The following ASXL1 variants were observed in gnomAD, a reference collection of about 807,000 sequenced individuals.
ASXL1 encodes the protein ASXL transcriptional regulator 1, also known as polycomb group protein ASXL1.
In ASXL1, 65 loss-of-function variants were observed where a neutral mutation model predicts 89.1. That is an observed-to-expected ratio of 0.73 (90% CI 0.60 to 0.90). The LOEUF is 0.90. Among genes scored for constraint, ASXL1 ranks in the 40% least tolerant of loss-of-function variants. The pLI, the probability that ASXL1 is intolerant of heterozygous loss-of-function variation, is 0.00. For synonymous variants in ASXL1, 739 were observed against 746.9 expected, an observed-to-expected ratio of 0.99 and a Z score of 0.17; for missense variants, 1,786 against 1,942.9, an observed-to-expected ratio of 0.92 and a Z score of 1.52.
At chr20:32,360,146 A>G (rs2048086355) in intron 1 of ASXL1, 1 of 233,010 alleles carries the variant, frequency 4.3e-6, no homozygotes, top group African/African-American at 2.2e-5. Context: ...AGTCTGTAAA[A>G]GTTACAGATT....
intron 4 of ASXL1, among the ~76,000 whole-genome samples, chr20:32,384,157 A>G (rs1040487635): frequency 6.7e-6 from 1 of 148,602 alleles, no homozygotes; most frequent in Non-Finnish European, 1.5e-5. Context: ...CCTAGTTAGT[A>G]GAGCAGTACC....
chr20:32,414,330 C>T (rs1180322882), intron 4 of ASXL1, among the ~76,000 whole-genome samples: 4 of 148,348 alleles, frequency 2.7e-5, no homozygotes, highest in Admixed American at 2.7e-4. Context: ...TTAATCAGTT[C>T]TCTAGGAGAT....
chr20:32,390,540 G>A (rs770270190), intron 4 of ASXL1, among the ~76,000 whole-genome samples: 2 of 151,162 alleles, frequency 1.3e-5, no homozygotes, highest in African/African-American at 2.4e-5. Context: ...TGGCATGATC[G>A]TAGCTCACTG....
chr20:32,414,452 T>C (rs2049102479), intron 4 of ASXL1, among the ~76,000 whole-genome samples: 1 of 152,070 alleles, frequency 6.6e-6, no homozygotes, highest in Admixed American at 6.6e-5. Context: ...TACGTGTCTG[T>C]GGTCCCGACT....
chr20:32,412,966 A>G (rs2049076487), intron 4 of ASXL1, among the ~76,000 whole-genome samples: 1 of 152,194 alleles, frequency 6.6e-6, no homozygotes, highest in Admixed American at 6.5e-5. Context: ...TATTCAAGGC[A>G]GTAGTATTTG....
intron 6 of ASXL1, among the ~76,000 whole-genome samples, 181 bp downstream of exon 6, chr20:32,428,603 GAGT>G (rs1600574024): frequency 6.8e-6 from 1 of 147,962 alleles, no homozygotes; most frequent in East Asian, 2.0e-4. Context: ...GGTTTGAGCA[GAGT>G]AAGTTTTTTC....
chr20:32,428,307 T>A lies in ASXL1; in HGVS notation c.374-18T>A, dbSNP rs762191023. Reference sequence around the variant, plus strand: ...ACAGCAGGCACTAGGGACTAACCTTTATTTTCCTCTCTTCCAGTATCTCTT... The same window carrying A: ...ACAGCAGGCACTAGGGACTAACCTTAATTTTCCTCTCTTCCAGTATCTCTT... On this transcript the variant is annotated intron_variant, in intron 5 of 12. Coordinates refer to ENST00000375687, the MANE Select transcript of ASXL1 (RefSeq NM_015338.6). The A allele has an allele frequency of 1.7e-5, 28 of 1,614,202 alleles. No individual in the cohort carries two copies. Among genetic ancestry groups the A allele is most frequent in the Non-Finnish European group, 2.4e-5 (28 of 1,180,036 alleles).
intron 4 of ASXL1, among the ~76,000 whole-genome samples, chr20:32,418,220 AAATT>A (rs778496980): frequency 4.1e-4 from 63 of 151,910 alleles, no homozygotes; most frequent in Non-Finnish European, 8.1e-4. Context: ...ATAAATAAAT[AAATT>A]AGCCTGGAGT....
intron 10 of ASXL1, chr20:32,432,423 T>C (rs575416014): frequency 9.7e-6 from 2 of 206,942 alleles, no homozygotes; most frequent in South Asian, 1.7e-4. Flanking sequence ...CATACCCAGC[T>C]TCCAGATTCC....
intron 1 of ASXL1, among the ~76,000 whole-genome samples, chr20:32,361,146 C>T (rs922571041): frequency 6.6e-6 from 1 of 152,092 alleles, no homozygotes. Context: ...GCTAGGAATT[C>T]GAGATGAGCC....
At chr20:32,371,979 A>G (rs1432246031) in intron 4 of ASXL1, 2 of 495,798 alleles carry the variant, frequency 4.0e-6, no homozygotes, top group Non-Finnish European at 6.9e-6. Context: ...TATGTTTATT[A>G]CAAATATGCC....
At chr20:32,399,639 T>A (rs752551649) in intron 4 of ASXL1, among the ~76,000 whole-genome samples, 2 of 151,842 alleles carry the variant, frequency 1.3e-5, no homozygotes, top group Non-Finnish European at 2.9e-5. Context: ...TTAACCTGTG[T>A]TTTATTTGAA....
Position 32,437,478 on chromosome 20 carries a change from C to T in ASXL1, c.*140C>T, listed in dbSNP as rs553110537. 4.1e-5 allele frequency: 54 copies of T among 1,313,322 alleles called. No homozygotes were observed. In the African/African-American group the frequency reaches 7.0e-4, roughly 17 times the overall value. 81.4% of individuals were successfully genotyped at this position (1,313,322 alleles called of 1,614,324 possible). On this transcript the variant is annotated 3_prime_UTR_variant, in exon 13 of 13. Coordinates refer to ENST00000375687, the MANE Select transcript of ASXL1 (RefSeq NM_015338.6). ...TTGCCTTCCCCCAAAATTTACACTG[C>T]TAAAGCCCTCTGTCACTTGGCGACC...
At chr20:32,431,236 T>G in intron 8 of ASXL1, 85 bp from the exon 9 acceptor site, 1 of 1,549,970 alleles carries the variant, frequency 6.5e-7, no homozygotes, top group Non-Finnish European at 8.9e-7. Context: ...GTAGCTTGGG[T>G]GCTGTCACCA....
chr20:32,435,285 A>G lies in ASXL1; in HGVS notation c.2573A>G (p.Gln858Arg), dbSNP rs1429658374. The change falls in exon 13 of 13, where the codon CAG becomes CGG. Residue 858 changes from glutamine (Q) to arginine (R), a missense_variant. Physicochemically the swap from Gln to Arg is conservative, Grantham distance 43. Around this residue, in one of 3 missense-constraint regions of ASXL1, gnomAD observed 1,418 missense variants for 1,427.8 expected, o/e 0.99. Coordinates refer to ENST00000375687, the MANE Select transcript of ASXL1 (RefSeq NM_015338.6). ...GAATCCTCACCGACTGATTGCCTGCAGAACAGAGCATTTGATGACGAATTA... is the reference window on the plus strand; with the variant it reads ...GAATCCTCACCGACTGATTGCCTGCGGAACAGAGCATTTGATGACGAATTA... ...TPESSPTDCL[Q>R]NRAFDDELGL... The G allele has an allele frequency of 6.2e-7, 1 of 1,614,084 alleles. No homozygotes were observed. Among genetic ancestry groups the G allele is most frequent in the East Asian group, 2.2e-5 (1 of 44,902 alleles).
intron 1 of ASXL1, chr20:32,359,942 ATAAG>A: frequency 1.5e-6 from 1 of 680,252 alleles, no homozygotes. Flanking sequence ...TGCGGATAGC[ATAAG>A]TGTCTCTTGA....
intron 10 of ASXL1, chr20:32,432,611 C>A: frequency 2.4e-6 from 1 of 414,530 alleles, no homozygotes; most frequent in Non-Finnish European, 4.5e-6. Context: ...TCAGGCCTAC[C>A]TACTATGTTA....
intron 8 of ASXL1, chr20:32,431,019 G>T: frequency 1.7e-6 from 1 of 579,710 alleles, no homozygotes; most frequent in South Asian, 1.6e-5. Flanking sequence ...TCCAGCTTTG[G>T]AGGGAAGCTC....
In ASXL1 at chr20:32,437,113, T is replaced by G; in HGVS notation, c.4401T>G (p.Leu1467=). The G allele has an allele frequency of 6.2e-7, 1 of 1,614,192 alleles. No homozygotes were observed. The highest frequency in any genetic ancestry group is 8.5e-7 in the Non-Finnish European group (1 of 1,180,046). The change falls in exon 13 of 13, where the codon CTT becomes CTG. Residue 1467 remains leucine (L), a synonymous_variant. Transcript: ENST00000375687. The stretch of plus-strand genomic sequence containing the variant: ...GCTCTCCCACCTTTCCCAAAGGCCT[T>G]GCTGGAAGTGTGGTGCAGCTGAGCC... ...SSSSPTFPKG[L]AGSVVQLSHK...
Sources: allele counts gnomAD v4.1 joint callset (sites outside exome capture counted in the v4.1 genomes callset), GRCh38; gene constraint gnomAD v4.1.1; regional missense constraint gnomAD v4.1.1; transcripts MANE v1.5; gene names NCBI Gene and HGNC (gene_info 2026-07-23, HGNC 2026-07-21).